The following RAB11FIP4 variants were observed in gnomAD, a reference collection of about 807,000 sequenced individuals.
RAB11FIP4 encodes the protein rab11 family-interacting protein 4.
In RAB11FIP4, 23 loss-of-function variants were observed where a neutral mutation model predicts 74.3. The observed-to-expected ratio is 0.31, with a 90% CI of 0.22 to 0.44. RAB11FIP4 has a LOEUF of 0.44. Ranked by LOEUF, RAB11FIP4 falls within the 20% of genes least tolerant of loss-of-function variation. RAB11FIP4 has a pLI of 1.00. For missense variants in RAB11FIP4, 630 were observed against 863.9 expected (o/e 0.73, Z 3.39); for synonymous variants, 360 against 359.9 (o/e 1.00, Z 0.00).
intron 1 of RAB11FIP4, among the ~76,000 whole-genome samples, chr17:31,409,521 A>G (rs1311142854): frequency 2.0e-5 from 3 of 152,232 alleles, no homozygotes; most frequent in African/African-American, 7.2e-5. Flanking sequence ...CCAGAGGAAA[A>G]TCAGGGTGCA....
intron 1 of RAB11FIP4, among the ~76,000 whole-genome samples, chr17:31,398,571 C>A (rs576735496): frequency 1.3e-5 from 2 of 152,286 alleles, no homozygotes; most frequent in African/African-American, 4.8e-5. Flanking sequence ...ACGTGCCCTC[C>A]GAGGGATATC....
chr17:31,432,083 GC>G (rs2071315608), intron 2 of RAB11FIP4, among the ~76,000 whole-genome samples, 183 bp downstream of exon 2: 2 of 152,152 alleles, frequency 1.3e-5, no homozygotes, highest in African/African-American at 4.8e-5. Context: ...TGTTGCCCCA[GC>G]CGTGGGGGGC....
At position 31,527,921 on chromosome 17, in the gene RAB11FIP4, G is replaced by A. The variant is rs2072796104; in HGVS notation, c.1354G>A (p.Glu452Lys). 1 of 1,593,184 alleles carries A rather than the reference G, an allele frequency of 6.3e-7. No homozygotes were observed. Among genetic ancestry groups the A allele is most frequent in the East Asian group, 2.2e-5 (1 of 44,462 alleles). ...RLKSQTEKLD[E>K]ERQRMSDRLE... ...CAAGTCTCAAACAGAGAAACTGGAT[G>A]AGGTGAGCAGCAGATCCAGGCTTGG... Residue 452 changes from glutamate to lysine, a missense_variant and splice_region_variant, in exon 11 of 15, where the codon GAG (glutamate) becomes AAG (lysine). By Grantham distance (56) the Glu-to-Lys change is moderately conservative. Coordinates refer to ENST00000621161, the MANE Select transcript of RAB11FIP4 (RefSeq NM_032932.6).
intron 1 of RAB11FIP4, among the ~76,000 whole-genome samples, chr17:31,417,637 A>T (rs1308014631): frequency 6.6e-6 from 1 of 152,206 alleles, no homozygotes; most frequent in Non-Finnish European, 1.5e-5. Flanking sequence ...CCAGGAAGGA[A>T]TGCAGCCTAG....
chr17:31,453,698 G>A (rs1421710850), intron 3 of RAB11FIP4, among the ~76,000 whole-genome samples: 1 of 150,012 alleles, frequency 6.7e-6, no homozygotes, highest in Non-Finnish European at 1.5e-5. Flanking sequence ...GGTGGTGCAT[G>A]CCTGTAGTCC....
At chr17:31,452,793 A>G (rs940642174) in intron 3 of RAB11FIP4, among the ~76,000 whole-genome samples, 11 of 152,200 alleles carry the variant, frequency 7.2e-5, no homozygotes, top group African/African-American at 2.7e-4. Flanking sequence ...ACTGTGACAG[A>G]CAAGACGGAT....
In RAB11FIP4 at chr17:31,532,563, C is replaced by T. The variant is rs1449091701; in HGVS notation, c.*831C>T. On this transcript the variant is annotated 3_prime_UTR_variant, in exon 15 of 15. Transcript: ENST00000621161. ...GGGTGTCTAAGGCAGGAGTTGACATCGGGCAACCAAAGAAATGAGTTTTGG... is the reference window on the plus strand; with the variant it reads ...GGGTGTCTAAGGCAGGAGTTGACATTGGGCAACCAAAGAAATGAGTTTTGG... 6.6e-6 allele frequency: 1 copy of T among 152,458 alleles called. No individual in the cohort carries two copies. Among genetic ancestry groups the T allele is most frequent in the East Asian group, 1.9e-4 (1 of 5,202 alleles). The allele number at this position is 152,458 out of a possible 1,614,324, so 9.4% of individuals were successfully genotyped here.
chr17:31,401,915 A>G (rs916917388), intron 1 of RAB11FIP4, among the ~76,000 whole-genome samples: 1 of 152,084 alleles, frequency 6.6e-6, no homozygotes, highest in African/African-American at 2.4e-5. Flanking sequence ...GCTGAAATCT[A>G]TCTCCTAGAG....
At chr17:31,524,878 C>G in intron 9 of RAB11FIP4, 1 of 635,166 alleles carries the variant, frequency 1.6e-6, no homozygotes, top group South Asian at 1.9e-5. Flanking sequence ...CACCTTCTGA[C>G]TGCCAGGCCT....
chr17:31,480,241 C>G (rs1447990714), intron 3 of RAB11FIP4, among the ~76,000 whole-genome samples: 1 of 152,064 alleles, frequency 6.6e-6, no homozygotes, highest in African/African-American at 2.4e-5. Flanking sequence ...CTCACTCAGG[C>G]CCCTGTCAGA....
chr17:31,497,809 G>T (rs1057252622), intron 3 of RAB11FIP4, among the ~76,000 whole-genome samples: 2 of 152,152 alleles, frequency 1.3e-5, no homozygotes, highest in Non-Finnish European at 2.9e-5. Context: ...TTAAGAGCAG[G>T]TGATGGTTTT....
intron 1 of RAB11FIP4, among the ~76,000 whole-genome samples, chr17:31,396,328 T>A (rs734403): frequency 6.6e-6 from 1 of 151,948 alleles, no homozygotes; most frequent in African/African-American, 2.4e-5. Flanking sequence ...TGGCTCAACA[T>A]CCTGACCCTG....
At chr17:31,486,021 GT>G (rs1323889813) in intron 3 of RAB11FIP4, among the ~76,000 whole-genome samples, 1 of 151,880 alleles carries the variant, frequency 6.6e-6, no homozygotes, top group Non-Finnish European at 1.5e-5. Context: ...AGATCATGAG[GT>G]TAGGAGTTCA....
At chr17:31,416,881 G>A (rs867337305) in intron 1 of RAB11FIP4, among the ~76,000 whole-genome samples, 5 of 152,132 alleles carry the variant, frequency 3.3e-5, no homozygotes, top group South Asian at 2.1e-4. Context: ...CAGCTCTGCC[G>A]CTGTCAGCAC....
chr17:31,514,944 G>A (rs751876770), intron 3 of RAB11FIP4, among the ~76,000 whole-genome samples: 2 of 152,236 alleles, frequency 1.3e-5, no homozygotes, highest in Non-Finnish European at 2.9e-5. Context: ...AAGTGTGGGA[G>A]GTGTCAAGGA....
intron 3 of RAB11FIP4, among the ~76,000 whole-genome samples, chr17:31,462,023 A>G (rs1255751579): frequency 6.6e-6 from 1 of 152,112 alleles, no homozygotes; most frequent in Non-Finnish European, 1.5e-5. Context: ...ACACTTTGGG[A>G]GGCCAAGATG....
intron 1 of RAB11FIP4, among the ~76,000 whole-genome samples, chr17:31,402,826 C>G (rs376653179): frequency 6.6e-6 from 1 of 151,594 alleles, no homozygotes; most frequent in Non-Finnish European, 1.5e-5. Context: ...GGGGTTTCAC[C>G]GTGTTAGCCA....
chr17:31,414,226 C>T (rs564414044), intron 1 of RAB11FIP4, among the ~76,000 whole-genome samples: 13 of 151,778 alleles, frequency 8.6e-5, no homozygotes, highest in African/African-American at 3.1e-4. Flanking sequence ...TGCCTCTGGG[C>T]GTGTGGCAGT....
chr17:31,462,265 C>T (rs1322294255), intron 3 of RAB11FIP4, among the ~76,000 whole-genome samples: 1 of 136,840 alleles, frequency 7.3e-6, no homozygotes, highest in Non-Finnish European at 1.5e-5. Context: ...GACTCCATCT[C>T]AAAAAAAACA....
Sources: gnomAD v4.1 joint callset for allele counts (sites outside exome capture counted in the v4.1 genomes callset) on GRCh38, gnomAD v4.1.1 for gene constraint, MANE v1.5 for transcripts, NCBI Gene and HGNC (gene_info 2026-07-23, HGNC 2026-07-21) for gene names.